The following CA10 variants were observed in gnomAD, a reference collection of about 807,000 sequenced individuals.
CA10 encodes the protein carbonic anhydrase 10 (inactive).
CA10 carries 14 observed loss-of-function variants against 44.2 expected under a neutral mutation model. That is an observed-to-expected ratio of 0.32 (90% CI 0.21 to 0.50). The LOEUF (loss-of-function observed/expected upper bound fraction) is 0.50. Ranked by LOEUF, CA10 falls within the 20% of genes least tolerant of loss-of-function variation. The pLI is 0.99. For synonymous variants in CA10, 159 were observed against 141.6 expected (o/e 1.12, Z -0.87); for missense variants, 350 against 409.7 (o/e 0.85, Z 1.26).
At chr17:51,985,150 C>A (rs1352124380) in intron 2 of CA10, among the ~76,000 whole-genome samples, 1 of 151,724 alleles carries the variant, frequency 6.6e-6, no homozygotes, top group East Asian at 1.9e-4. Context: ...AACAACATAT[C>A]AAAAAAATAA....
chr17:51,746,243 G>A (rs188320374), intron 4 of CA10, among the ~76,000 whole-genome samples: 4 of 152,286 alleles, frequency 2.6e-5, no homozygotes, highest in East Asian at 1.9e-4. Context: ...GCTTTTGCTC[G>A]CACTAGCCCT....
chr17:51,953,808 T>C (rs1983570549), intron 2 of CA10, among the ~76,000 whole-genome samples: 1 of 152,120 alleles, frequency 6.6e-6, no homozygotes, highest in Non-Finnish European at 1.5e-5. Context: ...ACTTTTTAAC[T>C]TGTTGCTCTT....
intron 3 of CA10, among the ~76,000 whole-genome samples, chr17:51,757,712 A>G (rs975974875): frequency 3.9e-5 from 6 of 152,238 alleles, no homozygotes; most frequent in African/African-American, 1.4e-4. Flanking sequence ...TGCCATTTAC[A>G]TGACATGTAT....
At chr17:51,811,452 C>G (rs1193323846) in intron 3 of CA10, among the ~76,000 whole-genome samples, 1 of 152,176 alleles carries the variant, frequency 6.6e-6, no homozygotes, top group Non-Finnish European at 1.5e-5. Flanking sequence ...CCCCTCCCGA[C>G]AGGCCCCAGT....
intron 1 of CA10, among the ~76,000 whole-genome samples, chr17:52,140,702 C>A (rs969477787): frequency 6.6e-6 from 1 of 152,102 alleles, no homozygotes; most frequent in African/African-American, 2.4e-5. Context: ...GGACTTAGTG[C>A]AAATACCATG....
chr17:51,660,293 T>C (rs1272420217), intron 4 of CA10, among the ~76,000 whole-genome samples: 1 of 152,222 alleles, frequency 6.6e-6, no homozygotes, highest in Non-Finnish European at 1.5e-5. Flanking sequence ...ACTTATGTCC[T>C]AGAATTTTCT....
chr17:51,825,516 C>T (rs1299452563), intron 3 of CA10, among the ~76,000 whole-genome samples: 2 of 152,104 alleles, frequency 1.3e-5, no homozygotes, highest in East Asian at 3.9e-4. Context: ...AGTAACTTGC[C>T]CAAGGTCACA....
chr17:51,933,222 T>C (rs1435355747), intron 2 of CA10, among the ~76,000 whole-genome samples: 2 of 152,152 alleles, frequency 1.3e-5, no homozygotes, highest in Non-Finnish European at 2.9e-5. Context: ...AAAGGGTATT[T>C]TGCAGATGTA....
intron 2 of CA10, among the ~76,000 whole-genome samples, chr17:52,011,255 A>C (rs1018503372): frequency 3.3e-5 from 5 of 151,196 alleles, no homozygotes; most frequent in African/African-American, 1.2e-4. Flanking sequence ...GATGATGAAA[A>C]TTTTCCATAG....
In CA10 at chr17:51,749,226, G is replaced by C. The variant is rs191940050; in HGVS notation, c.280-1408C>G. On this transcript the variant is annotated intron_variant, in intron 3 of 8. Coordinates refer to ENST00000451037, the MANE Select transcript of CA10 (RefSeq NM_020178.5). Reference sequence around the variant, plus strand: ...ACTACACTCCCAACAATGTAATTTTGTAACTGCTGTCATCTAGATAAGAGG... The same window carrying C: ...ACTACACTCCCAACAATGTAATTTTCTAACTGCTGTCATCTAGATAAGAGG... 2.0e-5 allele frequency among the ~76,000 whole-genome samples: 3 copies of C among 152,340 alleles called. No homozygotes were observed. In the East Asian group the frequency reaches 5.8e-4, roughly 29 times the overall value.
chr17:52,125,034 C>T (rs112857928), intron 1 of CA10, among the ~76,000 whole-genome samples: 1 of 152,222 alleles, frequency 6.6e-6, no homozygotes, highest in Non-Finnish European at 1.5e-5. Context: ...ATACACATCA[C>T]TGTCTGTCTC....
At chr17:52,116,619 G>T (rs1248608425) in intron 1 of CA10, among the ~76,000 whole-genome samples, 1 of 152,144 alleles carries the variant, frequency 6.6e-6, no homozygotes, top group Non-Finnish European at 1.5e-5. Flanking sequence ...CACTCATATA[G>T]CCTGGGTATT....
intron 3 of CA10, among the ~76,000 whole-genome samples, chr17:51,863,999 G>T (rs543414796): frequency 7.2e-5 from 11 of 152,108 alleles, no homozygotes; most frequent in Non-Finnish European, 1.2e-4. Context: ...CTTTCCCCAT[G>T]GGTTAATATT....
chr17:52,050,453 C>T (rs372066196), intron 2 of CA10, among the ~76,000 whole-genome samples: 11 of 152,190 alleles, frequency 7.2e-5, no homozygotes, highest in South Asian at 4.1e-4. Flanking sequence ...CTCCCCACAA[C>T]GGCTAAACAG....
intron 3 of CA10, among the ~76,000 whole-genome samples, chr17:51,797,943 C>T (rs928365309): frequency 1.1e-4 from 16 of 150,974 alleles, no homozygotes; most frequent in Middle Eastern, 3.2e-3. Context: ...CTAGGGGCTA[C>T]TGATCACAGT....
In CA10 at chr17:51,707,837, C is replaced by T. The variant is rs1306398626; in HGVS notation, c.465+39796G>A. ...TTTTATAGAAAAACTGGAGGCAGCT[C>T]TGAGTAAGAGAAACATGGTGGTGGT... On this transcript the variant is annotated intron_variant, in intron 4 of 8. Transcript: ENST00000451037. 2.0e-5 allele frequency among the ~76,000 whole-genome samples: 3 copies of T among 152,068 alleles called. 1 individual carries two copies. Among genetic ancestry groups the T allele is most frequent in the Non-Finnish European group, 4.4e-5 (3 of 68,018 alleles).
intron 3 of CA10, among the ~76,000 whole-genome samples, chr17:51,893,744 A>C (rs539128675): frequency 1.1e-4 from 16 of 152,312 alleles, no homozygotes; most frequent in African/African-American, 3.4e-4. Flanking sequence ...TAGCCCAGGC[A>C]TAGATATGCT....
At chr17:51,958,952 G>T (rs900732155) in intron 2 of CA10, among the ~76,000 whole-genome samples, 3 of 152,060 alleles carry the variant, frequency 2.0e-5, no homozygotes, top group African/African-American at 7.2e-5. Context: ...AATAATGACA[G>T]GTGAATTGGG....
intron 3 of CA10, among the ~76,000 whole-genome samples, chr17:51,782,368 A>G (rs951393858): frequency 6.6e-6 from 1 of 152,224 alleles, no homozygotes; most frequent in East Asian, 1.9e-4. Context: ...ATCACAGATG[A>G]CAAACCAGCT....
Sources: gnomAD v4.1 joint callset for allele counts (sites outside exome capture counted in the v4.1 genomes callset) on GRCh38, gnomAD v4.1.1 for gene constraint, MANE v1.5 for transcripts, NCBI Gene and HGNC (gene_info 2026-07-23, HGNC 2026-07-21) for gene names.